The following PTPN13 variants were observed in gnomAD, a reference collection of about 807,000 sequenced individuals.
PTPN13 encodes tyrosine-protein phosphatase non-receptor type 13.
PTPN13 carries 191 observed loss-of-function variants against 284.0 expected under a neutral mutation model. The ratio of observed to expected loss-of-function variants is 0.67; its 90% CI spans 0.60 to 0.76. The LOEUF (loss-of-function observed/expected upper bound fraction) is 0.76, where lower values mean the gene tolerates loss of function less well. Among genes scored for constraint, PTPN13 ranks in the 30% least tolerant of loss-of-function variants. The pLI is 0.00. For missense variants in PTPN13, 2,797 were observed against 2,939.9 expected, an observed-to-expected ratio of 0.95 and a Z score of 1.12; for synonymous variants, 986 against 1,022.3, an observed-to-expected ratio of 0.96 and a Z score of 0.68.
chr4:86,624,633 A>G (rs1276559631), intron 1 of PTPN13, among the ~76,000 whole-genome samples: 2 of 152,164 alleles, frequency 1.3e-5, no homozygotes, highest in East Asian at 1.9e-4. Context: ...TTAACATCAT[A>G]GGAGCTATTG....
chr4:86,701,874 T>C, intron 7 of PTPN13, 73 bp downstream of exon 7: 1 of 1,380,420 alleles, frequency 7.2e-7, no homozygotes, highest in South Asian at 1.6e-5. Context: ...AGAAGGGTTA[T>C]TAAATTATTC....
chr4:86,718,455 C>CTTTTTTT (rs796389778), intron 9 of PTPN13, among the ~76,000 whole-genome samples: 1 of 140,164 alleles, frequency 7.1e-6, no homozygotes, highest in Non-Finnish European at 1.6e-5. Flanking sequence ...TAATGGTCCA[C>CTTTTTTT]TTTTTTTTTT....
At chr4:86,611,580 C>T (rs563996202) in intron 1 of PTPN13, among the ~76,000 whole-genome samples, 2 of 152,200 alleles carry the variant, frequency 1.3e-5, no homozygotes, top group Non-Finnish European at 2.9e-5. Flanking sequence ...GGACACTGTA[C>T]ATCGGGTAAT....
chr4:86,805,010 C>T (rs1744499531), intron 43 of PTPN13, among the ~76,000 whole-genome samples: 1 of 152,038 alleles, frequency 6.6e-6, no homozygotes, highest in African/African-American at 2.4e-5. Flanking sequence ...AAAATATAAA[C>T]ACTTTTAAAC....
At chr4:86,736,823 T>C (rs1406656743) in intron 15 of PTPN13, among the ~76,000 whole-genome samples, 5 of 152,194 alleles carry the variant, frequency 3.3e-5, no homozygotes, top group African/African-American at 1.2e-4. Context: ...TTTCTCCTTG[T>C]AAATAGCATG....
At chr4:86,694,655 CAATT>C (rs1229425554) in intron 6 of PTPN13, among the ~76,000 whole-genome samples, 2 of 142,468 alleles carry the variant, frequency 1.4e-5, no homozygotes, top group East Asian at 2.1e-4. Context: ...TTTTATGTGA[CAATT>C]TATTTTTCAT....
chr4:86,600,185 A>G (rs566508824), intron 1 of PTPN13, among the ~76,000 whole-genome samples: 1 of 152,088 alleles, frequency 6.6e-6, no homozygotes, highest in South Asian at 2.1e-4. Context: ...AAGAATTCCC[A>G]ATGTTTGGAA....
intron 1 of PTPN13, among the ~76,000 whole-genome samples, chr4:86,598,179 C>G (rs147944444): frequency 6.6e-6 from 1 of 151,458 alleles, no homozygotes; most frequent in Non-Finnish European, 1.5e-5. Context: ...TGGAATCTCG[C>G]CCAGGCTGGA....
At chr4:86,610,415 A>T (rs976376703) in intron 1 of PTPN13, among the ~76,000 whole-genome samples, 11 of 152,228 alleles carry the variant, frequency 7.2e-5, no homozygotes, top group Admixed American at 2.0e-4. Context: ...TCAAAGTCAA[A>T]AAATGTTAGT....
At chr4:86,801,699 A>T (rs1343379294) in intron 42 of PTPN13, among the ~76,000 whole-genome samples, 1 of 152,206 alleles carries the variant, frequency 6.6e-6, no homozygotes, top group Non-Finnish European at 1.5e-5. Flanking sequence ...TGAGTTGGTT[A>T]TTCAGGTGAT....
chr4:86,748,795 A>G (rs1352456963), intron 17 of PTPN13, among the ~76,000 whole-genome samples: 10 of 152,016 alleles, frequency 6.6e-5, no homozygotes, highest in Non-Finnish European at 1.5e-4. Context: ...AGCTGGGACT[A>G]CAGGCGCCTG....
At chr4:86,649,864 G>A (rs957696802) in intron 2 of PTPN13, among the ~76,000 whole-genome samples, 4 of 152,198 alleles carry the variant, frequency 2.6e-5, no homozygotes, top group Non-Finnish European at 5.9e-5. Flanking sequence ...GTCAGCTACA[G>A]ACATGCATCA....
chr4:86,721,509 T>C (rs72665787), intron 9 of PTPN13, among the ~76,000 whole-genome samples: 68 of 152,228 alleles, frequency 4.5e-4, no homozygotes, highest in Non-Finnish European at 8.4e-4. Context: ...ATAAGGCTAC[T>C]TAAGGGGATA....
intron 1 of PTPN13, among the ~76,000 whole-genome samples, chr4:86,604,387 G>A (rs1295181761): frequency 6.6e-6 from 1 of 151,974 alleles, no homozygotes; most frequent in Non-Finnish European, 1.5e-5. Context: ...GTGTTACTGA[G>A]AGAAATAGTA....
intron 32 of PTPN13, among the ~76,000 whole-genome samples, chr4:86,774,135 A>G (rs1229254684): frequency 2.6e-5 from 4 of 152,186 alleles, no homozygotes. Context: ...TGCTGTCTCT[A>G]GACAAACATA....
intron 5 of PTPN13, among the ~76,000 whole-genome samples, chr4:86,691,841 C>G (rs1730059252): frequency 6.6e-6 from 1 of 152,124 alleles, no homozygotes; most frequent in Non-Finnish European, 1.5e-5. Flanking sequence ...GTGTGAAATT[C>G]ATTCTGAGTG....
intron 42 of PTPN13, among the ~76,000 whole-genome samples, chr4:86,800,843 C>G (rs902702921): frequency 6.6e-6 from 1 of 152,138 alleles, no homozygotes; most frequent in Non-Finnish European, 1.5e-5. Context: ...ATCCACCCAG[C>G]CTTTAAGTTC....
At chr4:86,782,114 A>G in intron 36 of PTPN13, 87 bp from the exon 37 acceptor site, 2 of 919,624 alleles carry the variant, frequency 2.2e-6, no homozygotes, top group South Asian at 3.0e-5. Flanking sequence ...ACAACATCCC[A>G]GAAATGTGAG....
chr4:86,800,704 C>CAGGGAGGG, intron 42 of PTPN13, among the ~76,000 whole-genome samples: 1 of 134,092 alleles, frequency 7.5e-6, no homozygotes, highest in Non-Finnish European at 1.6e-5. Flanking sequence ...GGGAAGAAAG[C>CAGGGAGGG]AGGGAGGGAG....
Sources: allele counts gnomAD v4.1 joint callset (sites outside exome capture counted in the v4.1 genomes callset), GRCh38; gene constraint gnomAD v4.1.1; transcripts MANE v1.5; gene names NCBI Gene and HGNC (gene_info 2026-07-23, HGNC 2026-07-21).